TGFBR2: variants seen among roughly 807,000 people sequenced by gnomAD.
TGFBR2 encodes transforming growth factor beta receptor 2, also known as TGF-beta receptor type-2.
In TGFBR2, 18 loss-of-function variants were observed where a neutral mutation model predicts 49.0. That is an observed-to-expected ratio of 0.37 (90% confidence interval 0.25 to 0.54). The LOEUF (loss-of-function observed/expected upper bound fraction) is 0.54, where lower values mean the gene tolerates loss of function less well. TGFBR2 is among the 20% of genes least tolerant of loss of function. TGFBR2 has a pLI of 0.85. For synonymous variants in TGFBR2, 282 were observed against 275.9 expected, an observed-to-expected ratio of 1.02 and a Z score of -0.22; for missense variants, 525 against 722.6, an observed-to-expected ratio of 0.73 and a Z score of 3.13.
In TGFBR2 at chr3:30,618,646, T is replaced by C. The variant is rs1698174347; in HGVS notation, c.94+11669T>C. Among the ~76,000 whole-genome samples, 2 of 152,180 alleles carry C rather than the reference T, an allele frequency of 1.3e-5. 1 individual carries two copies. Among genetic ancestry groups the C allele is most frequent in the South Asian group, 4.1e-4 (2 of 4,834 alleles). ...TAGGCCCTAATTCATTCTGGAGCTATTATACCACAGCATTTCTTAAAATAG... is the reference window on the plus strand; with the variant it reads ...TAGGCCCTAATTCATTCTGGAGCTACTATACCACAGCATTTCTTAAAATAG... On this transcript the variant is annotated intron_variant, in intron 1 of 6. Coordinates refer to ENST00000295754, the MANE Select transcript of TGFBR2 (RefSeq NM_003242.6).
At chr3:30,654,491 C>T (rs1353690019) in intron 3 of TGFBR2, among the ~76,000 whole-genome samples, 1 of 152,222 alleles carries the variant, frequency 6.6e-6, no homozygotes, top group African/African-American at 2.4e-5. Flanking sequence ...GGGGTCTGCA[C>T]TGCACAACTG....
intron 3 of TGFBR2, among the ~76,000 whole-genome samples, chr3:30,656,344 G>A (rs1289642108): frequency 1.3e-5 from 2 of 152,178 alleles, no homozygotes; most frequent in African/African-American, 4.8e-5. Flanking sequence ...TTTTGTTTCT[G>A]TGATCATGTT....
At chr3:30,613,960 A>G (rs1698081777) in intron 1 of TGFBR2, among the ~76,000 whole-genome samples, 2 of 152,148 alleles carry the variant, frequency 1.3e-5, no homozygotes, top group African/African-American at 4.8e-5. Flanking sequence ...GTTTTGGTTA[A>G]TTGTACCATT....
intron 3 of TGFBR2, among the ~76,000 whole-genome samples, chr3:30,652,972 T>A (rs1270748608): frequency 6.6e-6 from 1 of 152,238 alleles, no homozygotes; most frequent in African/African-American, 2.4e-5. Flanking sequence ...TCCTCTTATT[T>A]ATTCTCAGAC....
intron 1 of TGFBR2, among the ~76,000 whole-genome samples, chr3:30,608,228 C>T (rs1366509437): frequency 1.3e-5 from 2 of 152,128 alleles, no homozygotes; most frequent in African/African-American, 4.8e-5. Flanking sequence ...TGAGCCACCG[C>T]GCCCGGCCAA....
chr3:30,617,238 G>A (rs775267618), intron 1 of TGFBR2, among the ~76,000 whole-genome samples: 1 of 152,130 alleles, frequency 6.6e-6, no homozygotes, highest in Non-Finnish European at 1.5e-5. Context: ...AGTAGCTGCC[G>A]CAACCTCTAA....
intron 1 of TGFBR2, among the ~76,000 whole-genome samples, chr3:30,628,789 T>G (rs528541195): frequency 6.6e-6 from 1 of 152,228 alleles, no homozygotes; most frequent in South Asian, 2.1e-4. Context: ...GCAAACCTAG[T>G]TGGGTCCATT....
intron 1 of TGFBR2, among the ~76,000 whole-genome samples, chr3:30,628,075 A>C (rs1285478370): frequency 6.7e-6 from 1 of 149,286 alleles, no homozygotes; most frequent in Non-Finnish European, 1.5e-5. Context: ...AGTGCACTGC[A>C]ATTATAATAC....
intron 3 of TGFBR2, among the ~76,000 whole-genome samples, chr3:30,664,907 G>A (rs1274506737): frequency 6.6e-6 from 1 of 152,260 alleles, no homozygotes; most frequent in Non-Finnish European, 1.5e-5. Context: ...GAATTTGGGA[G>A]ATAGGCTCCT....
chr3:30,647,687 T>TTA (rs1176331329), intron 2 of TGFBR2, among the ~76,000 whole-genome samples: 3 of 137,552 alleles, frequency 2.2e-5, no homozygotes, highest in Non-Finnish European at 4.9e-5. Context: ...TATTATTATT[T>TTA]TTAAATTGAG....
chr3:30,629,097 GC>G (rs1489713402), intron 1 of TGFBR2, among the ~76,000 whole-genome samples: 1 of 152,162 alleles, frequency 6.6e-6, no homozygotes, highest in African/African-American at 2.4e-5. Flanking sequence ...GCCGAGGAAC[GC>G]AGGTCCTTTT....
chr3:30,684,330 T>C (rs1699586748), intron 5 of TGFBR2, among the ~76,000 whole-genome samples: 1 of 151,880 alleles, frequency 6.6e-6, no homozygotes, highest in South Asian at 2.1e-4. Flanking sequence ...GAAAGAAGAA[T>C]TGCAAAAATC....
chr3:30,652,370 G>T (rs895961840), intron 3 of TGFBR2, among the ~76,000 whole-genome samples: 7 of 151,852 alleles, frequency 4.6e-5, no homozygotes, highest in African/African-American at 1.7e-4. Flanking sequence ...GAGTAGGTGG[G>T]ACTGCAGGAG....
intron 3 of TGFBR2, among the ~76,000 whole-genome samples, chr3:30,659,885 G>C (rs559102796): frequency 6.6e-6 from 1 of 151,608 alleles, no homozygotes. Context: ...GTCCCACCAG[G>C]GGAAAAAAAA....
At chr3:30,675,479 C>T (rs1437439449) in intron 5 of TGFBR2, among the ~76,000 whole-genome samples, 3 of 151,932 alleles carry the variant, frequency 2.0e-5, no homozygotes, top group Non-Finnish European at 4.4e-5. Context: ...CTCTGCCTCC[C>T]GGGTTCAAGC....
chr3:30,669,121 C>CAAAAAAAAAAAAAAAA (rs56069409), intron 3 of TGFBR2, among the ~76,000 whole-genome samples: 10 of 83,464 alleles, frequency 1.2e-4, no homozygotes, highest in African/African-American at 4.4e-4. Context: ...ACTAAAAATA[C>CAAAAAAAAAAAAAAAA]AAAAAAAAAA....
At chr3:30,648,460 A>ACACACACACACACACACACACACCCACC (rs1553627538) in intron 2 of TGFBR2, among the ~76,000 whole-genome samples, 10 of 142,484 alleles carry the variant, frequency 7.0e-5, no homozygotes, top group Admixed American at 6.3e-4. Flanking sequence ...ACACACACAC[A>ACACACACACACACACACACACACCCACC]CAAAACTGTG....
intron 1 of TGFBR2, among the ~76,000 whole-genome samples, chr3:30,637,065 A>G (rs1698550678): frequency 6.9e-6 from 1 of 144,126 alleles, no homozygotes; most frequent in African/African-American, 2.5e-5. Flanking sequence ...CTCTGTCTGA[A>G]AAAAAAAAAA....
chr3:30,613,630 G>A (rs376829942), intron 1 of TGFBR2, among the ~76,000 whole-genome samples: 3 of 152,136 alleles, frequency 2.0e-5, no homozygotes, highest in Admixed American at 6.6e-5. Context: ...GAGCAGGCAG[G>A]GGGGAGGAAG....
Sources: allele counts gnomAD v4.1 joint callset (sites outside exome capture counted in the v4.1 genomes callset), GRCh38; gene constraint gnomAD v4.1.1; transcripts MANE v1.5; gene names NCBI Gene and HGNC (gene_info 2026-07-23, HGNC 2026-07-21).